C12orf42: variants seen among roughly 807,000 people sequenced by gnomAD.
The protein encoded by C12orf42 is chromosome 12 open reading frame 42, also known as uncharacterized protein C12orf42.
A neutral mutation model predicts 21.6 loss-of-function variants in C12orf42; 25 were observed. The ratio of observed to expected loss-of-function variants is 1.16; its 90% confidence interval spans 0.84 to 1.62. C12orf42 has a LOEUF of 1.62. Among genes scored for constraint, C12orf42 ranks in the 40% most tolerant of loss-of-function variants. The pLI, the probability that C12orf42 is intolerant of heterozygous loss-of-function variation, is 0.00. For synonymous variants in C12orf42, 174 were observed against 175.0 expected (o/e 0.99, Z 0.05); for missense variants, 483 against 459.3 (o/e 1.05, Z -0.47).
the C12orf42 span, among the ~76,000 whole-genome samples, chr12:103,163,317 G>T: frequency 6.6e-6 from 1 of 152,172 alleles, no homozygotes; most frequent in African/African-American, 2.4e-5. Flanking sequence ...GGCAGATTGA[G>T]GTGTGATGTG....
chr12:103,351,221 T>C (rs1486822964), intron 4 of C12orf42, among the ~76,000 whole-genome samples: 1 of 152,188 alleles, frequency 6.6e-6, no homozygotes, highest in Non-Finnish European at 1.5e-5. Flanking sequence ...GACCACAGCC[T>C]ACACTTGTGC....
the C12orf42 span, chr12:103,156,099 A>G: frequency 6.6e-6 from 1 of 152,164 alleles, no homozygotes; most frequent in South Asian, 2.1e-4. Flanking sequence ...TTATTCACAG[A>G]CTAGTCCCTT....
intron 4 of C12orf42, among the ~76,000 whole-genome samples, chr12:103,288,218 A>G (rs1394795280): frequency 6.6e-6 from 1 of 152,228 alleles, no homozygotes; most frequent in Non-Finnish European, 1.5e-5. Flanking sequence ...TGATCACATG[A>G]CCCACAGCAC....
chr12:103,104,214 T>C, the C12orf42 span, among the ~76,000 whole-genome samples: 1 of 152,306 alleles, frequency 6.6e-6, no homozygotes, highest in Admixed American at 6.5e-5. Context: ...GACAGACTCA[T>C]TACAGAGCCC....
At chr12:103,547,883 G>A in the C12orf42 span, 5 of 152,170 alleles carry the variant, frequency 3.3e-5, no homozygotes, top group Admixed American at 6.5e-5. Context: ...TGCTAGTGTG[G>A]TGTCACATGG....
At chr12:103,366,889 T>C (rs1566165163) in intron 4 of C12orf42, among the ~76,000 whole-genome samples, 1 of 152,164 alleles carries the variant, frequency 6.6e-6, no homozygotes, top group Non-Finnish European at 1.5e-5. Context: ...GAAAACAGTG[T>C]GGAGATTCTT....
intron 4 of C12orf42, among the ~76,000 whole-genome samples, chr12:103,288,788 A>G (rs544003513): frequency 1.3e-5 from 2 of 152,168 alleles, no homozygotes; most frequent in Non-Finnish European, 2.9e-5. Context: ...AAAATCTCCT[A>G]TAACTATTTT....
the C12orf42 span, among the ~76,000 whole-genome samples, chr12:103,199,090 T>A: frequency 6.6e-6 from 1 of 152,126 alleles, no homozygotes; most frequent in African/African-American, 2.4e-5. Flanking sequence ...ATCAAAACAG[T>A]GTGGTTCTGG....
chr12:103,294,278 G>A (rs2037002712), intron 4 of C12orf42, among the ~76,000 whole-genome samples: 1 of 151,164 alleles, frequency 6.6e-6, no homozygotes, highest in Non-Finnish European at 1.5e-5. Context: ...TACAAAATTG[G>A]ATTGATTCCC....
chr12:103,338,820 T>G (rs2041938785), intron 4 of C12orf42, among the ~76,000 whole-genome samples: 2 of 151,694 alleles, frequency 1.3e-5, no homozygotes, highest in Admixed American at 1.3e-4. Context: ...CCAGCAGGAG[T>G]GGGAACAGGA....
intron 3 of C12orf42, among the ~76,000 whole-genome samples, chr12:103,376,665 T>A (rs1367103901): frequency 1.3e-5 from 2 of 152,176 alleles, no homozygotes; most frequent in Non-Finnish European, 2.9e-5. Flanking sequence ...ATCTGGGAGA[T>A]GTTTGTTTTA....
rs1319656165 is a variant in C12orf42, at chr12:103,259,673, A to C, written c.*1366+3653T>G. 1.3e-5 allele frequency among the ~76,000 whole-genome samples: 2 copies of C among 152,228 alleles called. 1 individual carries two copies. The highest frequency in any genetic ancestry group is 1.3e-4 in the Admixed American group (2 of 15,280). On this transcript the variant is annotated intron_variant and NMD_transcript_variant, in intron 10 of 10. Coordinates refer to the C12orf42 transcript ENST00000547347. ...CAGTGTGAGAAAACCTTGGCATAGCAGGTGGGAAATGTCAATGTCGGTGTT... is the reference window on the plus strand; with the variant it reads ...CAGTGTGAGAAAACCTTGGCATAGCCGGTGGGAAATGTCAATGTCGGTGTT...
At chr12:103,218,089 T>C in the C12orf42 span, among the ~76,000 whole-genome samples, 1 of 152,102 alleles carries the variant, frequency 6.6e-6, no homozygotes, top group Non-Finnish European at 1.5e-5. Flanking sequence ...GAGACTATCC[T>C]GGCCAACATG....
the C12orf42 span, among the ~76,000 whole-genome samples, chr12:103,119,833 C>T: frequency 6.6e-6 from 1 of 152,226 alleles, no homozygotes; most frequent in South Asian, 2.1e-4. Context: ...AACCACTGCC[C>T]TTTATGATAT....
rs1566025507 is a variant in C12orf42 at position 103,294,473 on chromosome 12, A to AG, written n.338-17264_338-17263insC. Among the ~76,000 whole-genome samples the AG allele has an allele frequency of 8.8e-5, 8 of 91,046 alleles. 1 individual carries two copies. Among genetic ancestry groups the AG allele is most frequent in the Admixed American group, 2.1e-4 (2 of 9,436 alleles). The allele number at this position is 91,046 out of a possible 152,430, so 59.7% of individuals were successfully genotyped here. On this transcript the variant is annotated intron_variant and non_coding_transcript_variant, in intron 4 of 6. Coordinates refer to the C12orf42 transcript ENST00000546526. Reference sequence around the variant, plus strand: ...AAGAAAGAAAGAAAGAAAGAAAGAAATAAGCAAGCAAGCAAGAAAGAAAGA... The same window carrying AG: ...AAGAAAGAAAGAAAGAAAGAAAGAAAGTAAGCAAGCAAGCAAGAAAGAAAGA...
chr12:103,300,257 C>CAGAG (rs1353695774), downstream of C12orf42, among the ~76,000 whole-genome samples: 1 of 152,194 alleles, frequency 6.6e-6, no homozygotes, highest in Non-Finnish European at 1.5e-5. Context: ...TTGGGTTAAA[C>CAGAG]AGAGTTTATC....
chr12:103,250,005 A>C (rs999977683), intron 10 of C12orf42, among the ~76,000 whole-genome samples: 1 of 152,114 alleles, frequency 6.6e-6, no homozygotes, highest in African/African-American at 2.4e-5. Context: ...AGTTAGACTC[A>C]TGATCTTAGT....
intron 10 of C12orf42, among the ~76,000 whole-genome samples, chr12:103,252,015 C>A (rs982667048): frequency 6.6e-6 from 1 of 152,092 alleles, no homozygotes; most frequent in African/African-American, 2.4e-5. Flanking sequence ...AGGTTTGTTA[C>A]GTAGGTATAC....
chr12:103,439,526 T>A, intron 2 of C12orf42, among the ~76,000 whole-genome samples: 1 of 101,232 alleles, frequency 9.9e-6, no homozygotes, highest in African/African-American at 3.7e-5. Flanking sequence ...AGAGCTAATA[T>A]CCAGAATCTA....
Sources: allele counts gnomAD v4.1 joint callset (sites outside exome capture counted in the v4.1 genomes callset), GRCh38; gene constraint gnomAD v4.1.1; transcripts MANE v1.5; gene names NCBI Gene and HGNC (gene_info 2026-07-23, HGNC 2026-07-21).